Variants in ATG10 observed in about 807,000 individuals in gnomAD.
The protein encoded by ATG10 is ubiquitin-like-conjugating enzyme ATG10.
ATG10 carries 30 observed loss-of-function variants against 32.1 expected under a neutral mutation model. The ratio of observed to expected loss-of-function variants is 0.94; its 90% CI spans 0.70 to 1.27. The LOEUF (loss-of-function observed/expected upper bound fraction) is 1.27, where lower values mean the gene tolerates loss of function less well. Ranked by LOEUF, ATG10 falls within the 50% of genes most tolerant of loss-of-function variation. The pLI, the probability that ATG10 is intolerant of heterozygous loss-of-function variation, is 0.00. For missense variants in ATG10, 233 were observed against 262.3 expected (o/e 0.89, Z 0.77); for synonymous variants, 87 against 91.5 (o/e 0.95, Z 0.28).
chr5:82,186,662 C>T (rs568749681), intron 5 of ATG10, among the ~76,000 whole-genome samples: 6 of 148,118 alleles, frequency 4.1e-5, no homozygotes, highest in South Asian at 2.1e-4. Context: ...GACATGATCT[C>T]GGCTCACTGC....
chr5:82,207,048 A>C (rs1254265596), intron 5 of ATG10, among the ~76,000 whole-genome samples: 1 of 152,174 alleles, frequency 6.6e-6, no homozygotes, highest in African/African-American at 2.4e-5. Context: ...TGACTATATC[A>C]CAATTTGTCT....
At chr5:81,974,368 G>C (rs993973682) in intron 1 of ATG10, among the ~76,000 whole-genome samples, 1 of 152,192 alleles carries the variant, frequency 6.6e-6, no homozygotes, top group African/African-American at 2.4e-5. Flanking sequence ...GGGAATGGTT[G>C]CTGAAAACTG....
chr5:82,185,087 C>T (rs946875599), intron 5 of ATG10, among the ~76,000 whole-genome samples: 3 of 152,206 alleles, frequency 2.0e-5, no homozygotes, highest in Admixed American at 6.5e-5. Context: ...TTATTTTGTA[C>T]GCATGTATAT....
chr5:82,110,730 T>G (rs1451806146), intron 3 of ATG10, among the ~76,000 whole-genome samples: 2 of 152,090 alleles, frequency 1.3e-5, no homozygotes, highest in African/African-American at 4.8e-5. Flanking sequence ...ATTGCAAAAA[T>G]TTTCTCCCAT....
At chr5:82,099,732 T>TG (rs1765196034) in intron 3 of ATG10, among the ~76,000 whole-genome samples, 1 of 152,158 alleles carries the variant, frequency 6.6e-6, no homozygotes, top group Non-Finnish European at 1.5e-5. Context: ...TGTTTTTACA[T>TG]GTGCATATTT....
At chr5:82,166,971 C>A (rs1230351683) in intron 4 of ATG10, among the ~76,000 whole-genome samples, 2 of 152,094 alleles carry the variant, frequency 1.3e-5, no homozygotes, top group Admixed American at 1.3e-4. Flanking sequence ...TAAGGAAAAG[C>A]AAAACAAGTA....
chr5:82,176,584 A>T (rs1171366806), intron 4 of ATG10, among the ~76,000 whole-genome samples: 1 of 152,144 alleles, frequency 6.6e-6, no homozygotes, highest in Non-Finnish European at 1.5e-5. Flanking sequence ...ACGCATGCGC[A>T]CACAGACACA....
At chr5:82,021,777 C>A (rs1189623865) in intron 2 of ATG10, among the ~76,000 whole-genome samples, 1 of 152,010 alleles carries the variant, frequency 6.6e-6, no homozygotes, top group Non-Finnish European at 1.5e-5. Flanking sequence ...GTAATCCCAG[C>A]ACTTTGGGAG....
intron 3 of ATG10, among the ~76,000 whole-genome samples, chr5:82,151,427 G>A (rs1362986422): frequency 1.3e-5 from 2 of 152,256 alleles, no homozygotes; most frequent in South Asian, 2.1e-4. Context: ...ATGCCATAGA[G>A]GTTAATTATG....
chr5:82,108,604 A>G (rs1765511302), intron 3 of ATG10, among the ~76,000 whole-genome samples: 1 of 152,022 alleles, frequency 6.6e-6, no homozygotes, highest in Non-Finnish European at 1.5e-5. Flanking sequence ...GTCAGAGCTG[A>G]GGTGGTACTC....
intron 5 of ATG10, among the ~76,000 whole-genome samples, chr5:82,223,709 C>A (rs2149996113): frequency 6.6e-6 from 1 of 152,220 alleles, no homozygotes; most frequent in Admixed American, 6.5e-5. Flanking sequence ...AATGAAACAA[C>A]CTTTATAGTC....
intron 2 of ATG10, among the ~76,000 whole-genome samples, chr5:81,991,490 A>C (rs556754318): frequency 6.6e-6 from 1 of 152,110 alleles, no homozygotes; most frequent in Non-Finnish European, 1.5e-5. Flanking sequence ...CTGCTTTCCA[A>C]TGCCTCCCTC....
intron 4 of ATG10, among the ~76,000 whole-genome samples, chr5:82,166,181 C>A (rs1743573985): frequency 6.6e-6 from 1 of 152,126 alleles, no homozygotes; most frequent in South Asian, 2.1e-4. Flanking sequence ...GGTGTAGTTT[C>A]TGTGATCCTT....
chr5:82,085,729 A>C (rs954445353), intron 3 of ATG10, among the ~76,000 whole-genome samples: 1 of 152,150 alleles, frequency 6.6e-6, no homozygotes, highest in Non-Finnish European at 1.5e-5. Context: ...GTGTTATTCT[A>C]TTAAGTTAGT....
At chr5:82,026,527 T>A (rs956564065) in intron 2 of ATG10, among the ~76,000 whole-genome samples, 1 of 152,214 alleles carries the variant, frequency 6.6e-6, no homozygotes. Flanking sequence ...TTATTGCTTT[T>A]ATTACCACTT....
intron 2 of ATG10, among the ~76,000 whole-genome samples, chr5:81,990,442 C>T (rs939787395): frequency 2.6e-5 from 4 of 152,110 alleles, no homozygotes; most frequent in Non-Finnish European, 5.9e-5. Context: ...GGAGCTGGGA[C>T]TGTGTATGCA....
At chr5:82,184,338 G>A (rs1388369745) in intron 5 of ATG10, among the ~76,000 whole-genome samples, 1 of 152,114 alleles carries the variant, frequency 6.6e-6, no homozygotes, top group Non-Finnish European at 1.5e-5. Context: ...AATATATTAT[G>A]TAATTATTGT....
At chr5:82,119,661 A>G (rs924780545) in intron 3 of ATG10, among the ~76,000 whole-genome samples, 2 of 152,068 alleles carry the variant, frequency 1.3e-5, no homozygotes, top group Admixed American at 6.6e-5. Flanking sequence ...GGGTTTCAGC[A>G]TGTTGGCCAG....
At chr5:82,187,579 TTTTC>T (rs1354795080) in intron 5 of ATG10, among the ~76,000 whole-genome samples, 1 of 151,808 alleles carries the variant, frequency 6.6e-6, no homozygotes, top group Non-Finnish European at 1.5e-5. Context: ...AAGTAATTTA[TTTTC>T]TTTCTTTTTT....
Sources: gnomAD v4.1 joint callset for allele counts (sites outside exome capture counted in the v4.1 genomes callset) on GRCh38, gnomAD v4.1.1 for gene constraint, MANE v1.5 for transcripts, NCBI Gene and HGNC (gene_info 2026-07-23, HGNC 2026-07-21) for gene names.